Variants in CUL5 observed in about 807,000 individuals in gnomAD.
CUL5 encodes the protein cullin 5, also known as cullin-5.
In CUL5, 26 loss-of-function variants were observed where a neutral mutation model predicts 108.8. The observed-to-expected ratio is 0.24, with a 90% CI of 0.18 to 0.33. The LOEUF is 0.33. CUL5 is among the 10% of genes least tolerant of loss of function. The pLI is 1.00. For synonymous variants in CUL5, 334 were observed against 298.0 expected (o/e 1.12, Z -1.25); for missense variants, 524 against 909.2 (o/e 0.58, Z 5.45).
chr11:108,044,296 A>G (rs1863009954), intron 2 of CUL5, among the ~76,000 whole-genome samples: 2 of 152,068 alleles, frequency 1.3e-5, no homozygotes, highest in African/African-American at 2.4e-5. Flanking sequence ...CGGGTGGATC[A>G]CTTGAGTTCA....
At chr11:108,077,269 G>T (rs754272460) in intron 10 of CUL5, among the ~76,000 whole-genome samples, 12 of 152,184 alleles carry the variant, frequency 7.9e-5, no homozygotes, top group Non-Finnish European at 1.8e-4. Flanking sequence ...GGTGTGATCC[G>T]CTGTTTTTAA....
At chr11:108,029,639 G>A (rs1280011575) in intron 1 of CUL5, among the ~76,000 whole-genome samples, 2 of 152,094 alleles carry the variant, frequency 1.3e-5, no homozygotes, top group Non-Finnish European at 2.9e-5. Context: ...ATAGAGAATA[G>A]GTCAAGGAAC....
At chr11:108,064,466 A>G (rs944211400) in intron 7 of CUL5, among the ~76,000 whole-genome samples, 2 of 152,102 alleles carry the variant, frequency 1.3e-5, no homozygotes, top group Admixed American at 1.3e-4. Context: ...CCAGCACATT[A>G]GGAGGCCAAG....
chr11:108,027,938 C>T (rs1862491078), intron 1 of CUL5, among the ~76,000 whole-genome samples: 1 of 152,126 alleles, frequency 6.6e-6, no homozygotes, highest in East Asian at 1.9e-4. Context: ...GCCACCTGTG[C>T]TCTGGTTGCT....
chr11:108,026,414 C>T (rs573896004), intron 1 of CUL5, among the ~76,000 whole-genome samples: 148 of 152,190 alleles, frequency 9.7e-4, no homozygotes, highest in Non-Finnish European at 1.4e-3. Context: ...TCTTCTCAGA[C>T]ATTGTCGTTA....
chr11:108,039,282 A>G (rs1211296066), intron 2 of CUL5, among the ~76,000 whole-genome samples: 1 of 152,084 alleles, frequency 6.6e-6, no homozygotes, highest in Non-Finnish European at 1.5e-5. Flanking sequence ...GGCCTCCCAA[A>G]GTGCTGGGAT....
intron 7 of CUL5, among the ~76,000 whole-genome samples, chr11:108,064,774 C>T (rs1863632536): frequency 6.6e-6 from 1 of 152,062 alleles, no homozygotes; most frequent in Admixed American, 6.6e-5. Flanking sequence ...ATTTTTGCAT[C>T]AATATTCATC....
At chr11:108,082,322 C>T (rs1265116377) in intron 11 of CUL5, among the ~76,000 whole-genome samples, 1 of 150,952 alleles carries the variant, frequency 6.6e-6, no homozygotes, top group Non-Finnish European at 1.5e-5. Flanking sequence ...ACTGTGTCAC[C>T]GAGGCTGGAG....
At chr11:108,082,180 C>T (rs1230550636) in intron 11 of CUL5, among the ~76,000 whole-genome samples, 1 of 151,806 alleles carries the variant, frequency 6.6e-6, no homozygotes, top group Non-Finnish European at 1.5e-5. Context: ...TCTTTGGATG[C>T]TGTTGTAAAT....
intron 1 of CUL5, among the ~76,000 whole-genome samples, chr11:108,030,506 G>A (rs979658346): frequency 1.2e-4 from 19 of 152,148 alleles, no homozygotes; most frequent in African/African-American, 2.9e-4. Flanking sequence ...GCTTGGTGGC[G>A]CATGCCTTTA....
rs138515683 is a variant in CUL5 at position 108,064,447 on chromosome 11, C to T, written c.781-5649C>T. Reference sequence around the variant, plus strand: ...GCTAGTCTGGGCTCAGTGGCTCACGCCTGTAATCCCAGCACATTAGGAGGC... The same window carrying T: ...GCTAGTCTGGGCTCAGTGGCTCACGTCTGTAATCCCAGCACATTAGGAGGC... On this transcript the variant is annotated intron_variant, in intron 7 of 18. Transcript: ENST00000393094. 7.8e-4 allele frequency among the ~76,000 whole-genome samples: 119 copies of T among 152,268 alleles called. 1 individual carries two copies. Among genetic ancestry groups the T allele is most frequent in the Non-Finnish European group, 7.6e-4 (52 of 68,026 alleles).
At chr11:108,041,323 G>A (rs3858394) in intron 2 of CUL5, among the ~76,000 whole-genome samples, 29,574 of 150,790 alleles carry the variant, frequency 0.2, 3,420 homozygotes, top group East Asian at 0.49. Context: ...TGTTGCCCAG[G>A]CTGGAGTGCA....
At chr11:108,023,480 C>T (rs1862377261) in intron 1 of CUL5, among the ~76,000 whole-genome samples, 1 of 151,554 alleles carries the variant, frequency 6.6e-6, no homozygotes, top group Non-Finnish European at 1.5e-5. Flanking sequence ...TTTAAAATTC[C>T]TTTTATAGAT....
At chr11:108,098,604 C>CT (rs1565271542) in intron 18 of CUL5, 75 bp downstream of exon 18, 1 of 1,237,954 alleles carries the variant, frequency 8.1e-7, no homozygotes. Context: ...ATTTTGAAAT[C>CT]TTTTTTGAAT....
At chr11:108,034,458 A>T (rs1862675544) in intron 2 of CUL5, among the ~76,000 whole-genome samples, 1 of 152,292 alleles carries the variant, frequency 6.6e-6, no homozygotes, top group East Asian at 1.9e-4. Context: ...GAAACTGTTG[A>T]CCATTCAAGT....
intron 10 of CUL5, 35 bp downstream of exon 10, chr11:108,073,532 A>C: frequency 1.0e-6 from 1 of 978,448 alleles, no homozygotes; most frequent in Non-Finnish European, 1.5e-6. Context: ...AACACTTTTA[A>C]AAGTTTTATT....
At chr11:108,045,583 C>T (rs1201720354) in intron 2 of CUL5, among the ~76,000 whole-genome samples, 2 of 152,000 alleles carry the variant, frequency 1.3e-5, no homozygotes, top group East Asian at 1.9e-4. Flanking sequence ...TATAACAAAG[C>T]TGGGCATGGT....
chr11:108,026,116 A>G (rs1202003763), intron 1 of CUL5, among the ~76,000 whole-genome samples: 1 of 152,074 alleles, frequency 6.6e-6, no homozygotes, highest in Non-Finnish European at 1.5e-5. Flanking sequence ...TTCTCTTCTC[A>G]ATCATTATAG....
chr11:108,074,337 G>A (rs758503745), intron 10 of CUL5, among the ~76,000 whole-genome samples: 14 of 151,536 alleles, frequency 9.2e-5, no homozygotes, highest in Non-Finnish European at 1.9e-4. Flanking sequence ...TGGGATTACA[G>A]GGACCAACCA....
Sources: allele counts gnomAD v4.1 joint callset (sites outside exome capture counted in the v4.1 genomes callset), GRCh38; gene constraint gnomAD v4.1.1; transcripts MANE v1.5; gene names NCBI Gene and HGNC (gene_info 2026-07-23, HGNC 2026-07-21).